SNX25: variants seen among roughly 807,000 people sequenced by gnomAD.
SNX25 encodes sorting nexin 25, also known as sorting nexin-25.
SNX25 carries 62 observed loss-of-function variants against 113.7 expected under a neutral mutation model. That is an observed-to-expected ratio of 0.55 (90% CI 0.44 to 0.67). The LOEUF (loss-of-function observed/expected upper bound fraction) is 0.67. Among genes scored for constraint, SNX25 ranks in the 30% least tolerant of loss-of-function variants. The pLI is 0.00. For synonymous variants in SNX25, 421 were observed against 436.2 expected (o/e 0.97, Z 0.43); for missense variants, 1,014 against 1,161.0 (o/e 0.87, Z 1.84).
At chr4:185,368,177 C>CA (rs549506974), downstream of SNX25, among the ~76,000 whole-genome samples, 13 of 151,822 alleles carry the variant, frequency 8.6e-5, no homozygotes, top group South Asian at 6.2e-4. Flanking sequence ...GACTCCGTCT[C>CA]AAAAAAAAGA....
intron 6 of SNX25, among the ~76,000 whole-genome samples, chr4:185,292,763 A>T (rs1288545): frequency 0.077 from 11,747 of 152,110 alleles, 599 homozygotes; most frequent in African/African-American, 0.14. Context: ...CTACAAAAAA[A>T]TTTTTAAAAA....
downstream of SNX25, chr4:185,370,850 T>A (rs1242674104): frequency 4.4e-6 from 7 of 1,608,058 alleles, no homozygotes; most frequent in Non-Finnish European, 6.0e-6. Context: ...GGAAAAGACA[T>A]CAGTTATGGT....
intron 1 of SNX25, among the ~76,000 whole-genome samples, chr4:185,233,057 G>A (rs759191881): frequency 3.3e-5 from 5 of 152,154 alleles, no homozygotes; most frequent in African/African-American, 4.8e-5. Context: ...GCTGAGGCGG[G>A]TGGATCACCT....
At position 185,240,774 on chromosome 4, in the gene SNX25, G is replaced by C. The variant is rs1039315404; in HGVS notation, c.430-6520G>C. On this transcript the variant is annotated intron_variant, in intron 1 of 18. Coordinates refer to ENST00000652585, the MANE Select transcript of SNX25 (RefSeq NM_001378034.2). ...TCACTTCCCAGACGGAGTGGCTGCC[G>C]AGCGGAGGGGCTCCTCACTTCTCAG... Among the ~76,000 whole-genome samples, 810 of 150,996 alleles carry C rather than the reference G, an allele frequency of 5.4e-3. 4 individuals carry two copies. The highest frequency in any genetic ancestry group is 8.7e-3 in the Admixed American group (133 of 15,210).
chr4:185,293,022 A>C (rs1483250200), intron 6 of SNX25, among the ~76,000 whole-genome samples: 1 of 152,250 alleles, frequency 6.6e-6, no homozygotes, highest in Admixed American at 6.5e-5. Context: ...TGTATCTGAT[A>C]AAAAGGTTGT....
At chr4:185,222,626 C>G (rs1022808573) in intron 1 of SNX25, among the ~76,000 whole-genome samples, 1 of 152,200 alleles carries the variant, frequency 6.6e-6, no homozygotes, top group Non-Finnish European at 1.5e-5. Context: ...ATTTGGATGG[C>G]TCCTGGTGTT....
intron 1 of SNX25, among the ~76,000 whole-genome samples, chr4:185,233,812 C>T (rs1742202354): frequency 6.6e-6 from 1 of 151,870 alleles, no homozygotes; most frequent in Non-Finnish European, 1.5e-5. Flanking sequence ...TTTTTTCTCC[C>T]CATGAATCTA....
chr4:185,247,902 T>A (rs1002717584), intron 2 of SNX25, among the ~76,000 whole-genome samples: 3 of 152,142 alleles, frequency 2.0e-5, no homozygotes, highest in South Asian at 2.1e-4. Context: ...TATTAAAATT[T>A]TAAAAAATAT....
At chr4:185,243,353 T>C (rs1744351140) in intron 1 of SNX25, among the ~76,000 whole-genome samples, 1 of 152,190 alleles carries the variant, frequency 6.6e-6, no homozygotes, top group African/African-American at 2.4e-5. Flanking sequence ...CTCATGCTTG[T>C]AATCCCAGCA....
chr4:185,310,936 C>A, intron 7 of SNX25, 120 bp downstream of exon 7: 1 of 939,972 alleles, frequency 1.1e-6, no homozygotes, highest in Non-Finnish European at 1.6e-6. Context: ...CATAACTACA[C>A]ACTGACATTT....
chr4:185,207,208 C>CA (rs1737224988), upstream of SNX25, among the ~76,000 whole-genome samples: 3 of 134,148 alleles, frequency 2.2e-5, no homozygotes, highest in African/African-American at 5.5e-5. Flanking sequence ...TAACCAGTCA[C>CA]ACTTTTTTTT....
At chr4:185,378,100 C>T in the SNX25 span, 1 of 1,613,360 alleles carries the variant, frequency 6.2e-7, no homozygotes, top group Non-Finnish European at 8.5e-7. Flanking sequence ...CCTTTTTCCA[C>T]TGGAAAAATT....
At chr4:185,294,394 AGTT>A (rs1752580132) in intron 6 of SNX25, among the ~76,000 whole-genome samples, 1 of 152,168 alleles carries the variant, frequency 6.6e-6, no homozygotes, top group Non-Finnish European at 1.5e-5. Flanking sequence ...TCTAGGACTC[AGTT>A]GTTTTCATCT....
chr4:185,306,478 T>C (rs1260026523), intron 6 of SNX25, among the ~76,000 whole-genome samples: 1 of 152,252 alleles, frequency 6.6e-6, no homozygotes, highest in Non-Finnish European at 1.5e-5. Flanking sequence ...TTATTCTCTT[T>C]CTTACTTCTC....
rs563050251 is a variant in SNX25 at position 185,323,870 on chromosome 4, T to TTTG, written c.1749+71_1749+72insTGT. The stretch of plus-strand genomic sequence containing the variant: ...TTAAATATGTTTAAGTGGGTGCATA[T>TTTG]TGTGTGAGCCAAATTTGATGCACAT... On this transcript the variant is annotated intron_variant, in intron 9 of 18. Transcript: ENST00000652585. 7.0e-4 allele frequency: 1,072 copies of TTTG among 1,535,338 alleles called. 12 individuals carry two copies. The African/African-American group carries it at 0.013, about 19-fold the overall frequency.
intron 9 of SNX25, among the ~76,000 whole-genome samples, chr4:185,330,063 A>G (rs1480006783): frequency 1.3e-5 from 2 of 152,198 alleles, no homozygotes; most frequent in Non-Finnish European, 1.5e-5. Context: ...CTCAATAGTC[A>G]AAGACAGGTT....
chr4:185,321,783 A>C (rs924644752), intron 8 of SNX25, among the ~76,000 whole-genome samples: 1 of 151,814 alleles, frequency 6.6e-6, no homozygotes, highest in African/African-American at 2.4e-5. Flanking sequence ...ATTTGGGGGG[A>C]AAAAAACTGC....
chr4:185,282,798 A>G (rs1172908253), intron 5 of SNX25, among the ~76,000 whole-genome samples: 1 of 152,182 alleles, frequency 6.6e-6, no homozygotes, highest in Non-Finnish European at 1.5e-5. Flanking sequence ...TGCACTTTTG[A>G]TCAAGGGAAA....
At chr4:185,370,965 G>A (rs1291171885), downstream of SNX25, 1 of 716,386 alleles carries the variant, frequency 1.4e-6, no homozygotes, top group African/African-American at 1.8e-5. Flanking sequence ...AAGGGTCCAT[G>A]TAGGCACCTC....
Sources: allele counts gnomAD v4.1 joint callset (sites outside exome capture counted in the v4.1 genomes callset), GRCh38; gene constraint gnomAD v4.1.1; transcripts MANE v1.5; gene names NCBI Gene and HGNC (gene_info 2026-07-23, HGNC 2026-07-21).